TXNDC12: variants seen among roughly 807,000 people sequenced by gnomAD.
TXNDC12 encodes the protein thioredoxin domain-containing protein 12.
In TXNDC12, 22 loss-of-function variants were observed where a neutral mutation model predicts 24.2. That is an observed-to-expected ratio of 0.91 (90% CI 0.65 to 1.30). TXNDC12 has a LOEUF of 1.30. Ranked by LOEUF, TXNDC12 falls within the 50% of genes most tolerant of loss-of-function variation. TXNDC12 has a pLI of 0.00. For synonymous variants in TXNDC12, 58 were observed against 73.4 expected, an observed-to-expected ratio of 0.79 and a Z score of 1.07; for missense variants, 184 against 205.8, an observed-to-expected ratio of 0.89 and a Z score of 0.65.
chr1:52,024,687 G>T lies in TXNDC12; in HGVS notation c.286-108C>A, dbSNP rs78631283. On this transcript the variant is annotated intron_variant, in intron 4 of 6. Transcript: ENST00000371626. ...GGCAAAACCCCAAGTCCTTGCAGTG[G>T]CCTATAAGGCCCTACATGATCTATC... is the stretch of plus-strand genomic sequence containing the variant. 4.1e-3 allele frequency: 3,177 copies of T among 773,912 alleles called. 57 individuals are homozygous for T. In the African/African-American group the frequency reaches 0.047, roughly 11 times the overall value. 47.9% of individuals were successfully genotyped at this position (773,912 alleles called of 1,614,324 possible).
At chr1:52,028,204 G>T (rs1314998196) in intron 3 of TXNDC12, among the ~76,000 whole-genome samples, 1 of 152,004 alleles carries the variant, frequency 6.6e-6, no homozygotes, top group Non-Finnish European at 1.5e-5. Context: ...GCCTGTCTGG[G>T]GAAGTGGCAA....
chr1:52,024,648 T>C, intron 4 of TXNDC12, 69 bp from the exon 5 acceptor site: 1 of 1,282,766 alleles, frequency 7.8e-7, no homozygotes, highest in Non-Finnish European at 1.1e-6. Flanking sequence ...TTCAGTGGCT[T>C]CCCCACTTGT....
intron 2 of TXNDC12, chr1:52,032,140 T>C (rs1685772876): frequency 1.0e-6 from 1 of 964,488 alleles, no homozygotes; most frequent in Non-Finnish European, 1.2e-6. Flanking sequence ...GGAAATAATC[T>C]AGTAGATAAC....
At chr1:52,046,211 GAC>G (rs1440297600) in intron 1 of TXNDC12, among the ~76,000 whole-genome samples, 1 of 131,096 alleles carries the variant, frequency 7.6e-6, no homozygotes, top group East Asian at 2.2e-4. Context: ...AAAAAAAAAA[GAC>G]ACAGTTTGTG....
chr1:52,031,014 T>C (rs1284749204), intron 2 of TXNDC12, among the ~76,000 whole-genome samples: 1 of 152,192 alleles, frequency 6.6e-6, no homozygotes, highest in Non-Finnish European at 1.5e-5. Flanking sequence ...ACTGACTTTA[T>C]TCTACAGTGA....
At chr1:52,055,207 ATT>A, upstream of TXNDC12, 8 of 572,558 alleles carry the variant, frequency 1.4e-5, no homozygotes, top group East Asian at 3.5e-5. Context: ...TACTTCCCAG[ATT>A]TTTTTTTTTC....
upstream of TXNDC12, chr1:52,055,207 A>ATT (rs887808527): frequency 5.2e-5 from 30 of 572,306 alleles, no homozygotes; most frequent in East Asian, 1.0e-4. Context: ...TACTTCCCAG[A>ATT]TTTTTTTTTT....
chr1:52,050,175 G>T (rs1686173293), intron 1 of TXNDC12, among the ~76,000 whole-genome samples: 1 of 152,144 alleles, frequency 6.6e-6, no homozygotes, highest in Non-Finnish European at 1.5e-5. Context: ...CACCAAAGCA[G>T]AATGGGAACA....
At chr1:52,055,443 C>A, upstream of TXNDC12, 1 of 267,132 alleles carries the variant, frequency 3.7e-6, no homozygotes, top group Non-Finnish European at 7.4e-6. Context: ...ACCGTTGCTC[C>A]TCGCGTCCGC....
At chr1:52,046,389 A>T (rs1464102618) in intron 1 of TXNDC12, among the ~76,000 whole-genome samples, 1 of 152,126 alleles carries the variant, frequency 6.6e-6, no homozygotes, top group Non-Finnish European at 1.5e-5. Flanking sequence ...TATATTTCAA[A>T]GGCAAAGTTA....
rs1685572825 is a variant in TXNDC12 at position 52,020,274 on chromosome 1, G to A, written c.*659C>T. The A allele has an allele frequency of 8.5e-6, 3 of 354,826 alleles. No homozygotes were observed. The highest frequency in any genetic ancestry group is 3.5e-5 in the South Asian group (1 of 28,384). The allele number at this position is 354,826 out of a possible 1,614,324, so 22.0% of individuals were successfully genotyped here. On this transcript the variant is annotated 3_prime_UTR_variant, in exon 7 of 7. Transcript: ENST00000371626. ...GTTTGAGTTTCTCCAACAGTAACAA[G>A]GGAAAGCATGCTTCCACCTGGAGCC...
chr1:52,041,095 G>A (rs1354895185), intron 2 of TXNDC12, among the ~76,000 whole-genome samples: 4 of 152,204 alleles, frequency 2.6e-5, no homozygotes, highest in Admixed American at 6.5e-5. Flanking sequence ...CACTTTGGGA[G>A]GCCGAGGCGG....
chr1:52,037,546 C>T (rs1557995022), intron 2 of TXNDC12, among the ~76,000 whole-genome samples: 1 of 152,076 alleles, frequency 6.6e-6, no homozygotes, highest in Non-Finnish European at 1.5e-5. Flanking sequence ...TGGTGCTGAA[C>T]TCATGGGGCT....
intron 2 of TXNDC12, among the ~76,000 whole-genome samples, chr1:52,035,526 G>C (rs982162059): frequency 9.2e-5 from 14 of 152,102 alleles, no homozygotes; most frequent in African/African-American, 3.1e-4. Context: ...GGCCAACATG[G>C]TGAAACCCTG....
rs200853285 is a variant in TXNDC12 at position 52,027,300 on chromosome 1, T to G, written c.260A>C (p.His87Pro). 1 of 1,613,190 alleles carries G rather than the reference T, an allele frequency of 6.2e-7. No individual in the cohort carries two copies. Among genetic ancestry groups the G allele is most frequent in the African/African-American group, 1.3e-5 (1 of 75,004 alleles). The change falls in exon 4 of 7, where the codon CAT becomes CCT. Residue 87 changes from histidine (H) to proline (P), a missense_variant. His to Pro is a moderately conservative substitution (Grantham distance 77). Transcript: ENST00000371626. The stretch of plus-strand genomic sequence containing the variant: ...CTCAAGATTTACCATAACAAAATTA[T>G]GGGAGAGTTCTGAAATTTCCGTAGA... ...AESTEISELS[H>P]NFVMVNLEDE... is the part of the protein sequence containing the mutation.
At chr1:52,050,748 A>G (rs1686185897) in intron 1 of TXNDC12, among the ~76,000 whole-genome samples, 1 of 152,250 alleles carries the variant, frequency 6.6e-6, no homozygotes, top group Non-Finnish European at 1.5e-5. Flanking sequence ...TATGGCTAAC[A>G]AAAACATGTA....
intron 2 of TXNDC12, among the ~76,000 whole-genome samples, chr1:52,036,569 TTC>T (rs1306557266): frequency 3.9e-5 from 6 of 152,304 alleles, no homozygotes; most frequent in South Asian, 2.1e-4. Context: ...GAAATATAAT[TTC>T]TGTCTGATTT....
chr1:52,053,473 G>A (rs1405664428), intron 1 of TXNDC12, among the ~76,000 whole-genome samples: 1 of 152,022 alleles, frequency 6.6e-6, no homozygotes, highest in Non-Finnish European at 1.5e-5. Flanking sequence ...GACCAGCCTT[G>A]CCAACATAGT....
chr1:52,032,227 G>A (rs1052073904), intron 2 of TXNDC12: 4 of 986,188 alleles, frequency 4.1e-6, no homozygotes, highest in Non-Finnish European at 4.8e-6. Flanking sequence ...TCCCAGAATA[G>A]AAACTAGCAA....
Sources: allele counts gnomAD v4.1 joint callset (sites outside exome capture counted in the v4.1 genomes callset), GRCh38; gene constraint gnomAD v4.1.1; transcripts MANE v1.5; gene names NCBI Gene and HGNC (gene_info 2026-07-23, HGNC 2026-07-21).